N4BP2: variants seen among roughly 807,000 people sequenced by gnomAD.
The protein encoded by N4BP2 is NEDD4 binding protein 2.
A neutral mutation model predicts 152.8 loss-of-function variants in N4BP2; 91 were observed. The observed-to-expected ratio is 0.60, with a 90% CI of 0.50 to 0.71. N4BP2 has a LOEUF of 0.71. N4BP2 is among the 30% of genes least tolerant of loss of function. N4BP2 has a pLI of 0.00. For missense variants in N4BP2, 1,923 were observed against 2,059.1 expected (o/e 0.93, Z 1.28); for synonymous variants, 646 against 705.3 (o/e 0.92, Z 1.33).
intron 4 of N4BP2, among the ~76,000 whole-genome samples, chr4:40,103,844 A>C (rs1306005689): frequency 6.6e-6 from 1 of 152,194 alleles, no homozygotes; most frequent in African/African-American, 2.4e-5. Flanking sequence ...TGTTAGAGGC[A>C]GCTTTGTAAT....
At position 40,142,825 on chromosome 4, in the gene N4BP2, A is replaced by C; in HGVS notation, c.4938A>C (p.Ile1646=). Residue 1646 remains isoleucine, a synonymous_variant, in exon 15 of 18, where the codon ATA becomes ATC. Coordinates refer to ENST00000261435, the MANE Select transcript of N4BP2 (RefSeq NM_018177.6). ...GCAAGGCCAAAGAAGCTTATCGGATAGGGAAAAAAAATGTCGCCACCTTTT... is the reference window on the plus strand; with the variant it reads ...GCAAGGCCAAAGAAGCTTATCGGATCGGGAAAAAAAATGTCGCCACCTTTT... ...CYSKAKEAYR[I]GKKNVATFYA... is the part of the protein sequence containing the mutation. The C allele has an allele frequency of 6.2e-7, 1 of 1,613,866 alleles. No individual in the cohort carries two copies. Among genetic ancestry groups the C allele is most frequent in the Non-Finnish European group, 8.5e-7 (1 of 1,179,968 alleles).
downstream of N4BP2, among the ~76,000 whole-genome samples, chr4:40,160,580 A>G (rs1721832635): frequency 6.6e-6 from 1 of 152,214 alleles, no homozygotes; most frequent in African/African-American, 2.4e-5. Context: ...TGCATTTTCC[A>G]CTTAAAATAT....
intron 4 of N4BP2, among the ~76,000 whole-genome samples, chr4:40,106,344 A>T (rs2109970114): frequency 6.6e-6 from 1 of 151,532 alleles, no homozygotes; most frequent in East Asian, 1.9e-4. Flanking sequence ...TTCTTTTTTG[A>T]GAGAGGGTCT....
intron 2 of N4BP2, among the ~76,000 whole-genome samples, chr4:40,082,397 A>C (rs373405991): frequency 2.0e-5 from 3 of 152,264 alleles, no homozygotes; most frequent in African/African-American, 7.2e-5. Context: ...GGTTCAGCTT[A>C]ATAATAGAAA....
At chr4:40,150,178 AAG>A (rs1473031801) in intron 16 of N4BP2, among the ~76,000 whole-genome samples, 1 of 152,214 alleles carries the variant, frequency 6.6e-6, no homozygotes, top group African/African-American at 2.4e-5. Flanking sequence ...TTTTTTAAAA[AAG>A]AGAGACATCT....
downstream of N4BP2, among the ~76,000 whole-genome samples, chr4:40,159,008 G>A (rs1355292952): frequency 6.6e-6 from 1 of 151,964 alleles, no homozygotes; most frequent in Admixed American, 6.6e-5. Context: ...TTATACTATG[G>A]GATACTCTCG....
the N4BP2 span, among the ~76,000 whole-genome samples, chr4:40,163,677 G>A: frequency 6.6e-6 from 1 of 152,224 alleles, no homozygotes; most frequent in Non-Finnish European, 1.5e-5. Flanking sequence ...ATGTGCTAAG[G>A]ATGGTGAGTG....
the N4BP2 span, among the ~76,000 whole-genome samples, chr4:40,174,218 A>G: frequency 1.3e-5 from 2 of 151,966 alleles, no homozygotes; most frequent in Admixed American, 1.3e-4. Context: ...CTCTACAAAA[A>G]ATAAAAAAAT....
chr4:40,111,355 C>G (rs1186734964), intron 5 of N4BP2, among the ~76,000 whole-genome samples: 2 of 152,186 alleles, frequency 1.3e-5, no homozygotes, highest in African/African-American at 2.4e-5. Flanking sequence ...GAGTCTTACT[C>G]TGTCACCCAG....
chr4:40,071,026 T>C (rs1447997208), intron 1 of N4BP2, among the ~76,000 whole-genome samples: 1 of 152,054 alleles, frequency 6.6e-6, no homozygotes, highest in East Asian at 1.9e-4. Context: ...GGTTTCACCA[T>C]GTTGGCCAGG....
At chr4:40,062,834 A>G (rs1325363620) in intron 1 of N4BP2, among the ~76,000 whole-genome samples, 1 of 152,170 alleles carries the variant, frequency 6.6e-6, no homozygotes, top group Non-Finnish European at 1.5e-5. Flanking sequence ...TAGCTCTAGG[A>G]GAAAGCCCTC....
intron 2 of N4BP2, among the ~76,000 whole-genome samples, chr4:40,078,578 AC>A (rs1195929725): frequency 6.6e-6 from 1 of 150,422 alleles, no homozygotes; most frequent in Non-Finnish European, 1.5e-5. Flanking sequence ...AGGCTGGAGT[AC>A]AGTGGCATGC....
At chr4:40,102,009 A>T in intron 3 of N4BP2, 66 bp from the exon 4 acceptor site, 2 of 1,003,272 alleles carry the variant, frequency 2.0e-6, no homozygotes, top group Non-Finnish European at 2.8e-6. Context: ...GGATTTTAAT[A>T]AAATTATTAA....
chr4:40,112,160 A>T lies in N4BP2; in HGVS notation c.1575A>T (p.Pro525=), dbSNP rs779787449. 1.3e-6 allele frequency: 2 copies of T among 1,564,730 alleles called. No homozygotes were observed. Among genetic ancestry groups the T allele is most frequent in the Non-Finnish European group, 1.7e-6 (2 of 1,143,984 alleles). The part of the protein sequence containing the change: ...NTNLQAWEMK[P]YVALSQKHKY... ...ACCTACAGGCATGGGAAATGAAACC[A>T]TATGTTGCTTTGGTTAGTACCATAA... Residue 525 remains proline (P), a synonymous_variant, in exon 6 of 18, where the codon CCA becomes CCT. Transcript: ENST00000261435.
At chr4:40,179,736 C>T in the N4BP2 span, among the ~76,000 whole-genome samples, 1 of 145,798 alleles carries the variant, frequency 6.9e-6, no homozygotes, top group Non-Finnish European at 1.5e-5. Context: ...ATATTGTTTA[C>T]ATTTTAGAGT....
At chr4:40,145,647 A>AAT (rs1720445862) in intron 16 of N4BP2, among the ~76,000 whole-genome samples, 1 of 152,204 alleles carries the variant, frequency 6.6e-6, no homozygotes, top group Non-Finnish European at 1.5e-5. Context: ...AGTATATAGA[A>AAT]GTGTTATGAA....
chr4:40,123,965 G>A (rs1346791584), intron 10 of N4BP2, among the ~76,000 whole-genome samples, 195 bp from the exon 11 acceptor site: 2 of 151,852 alleles, frequency 1.3e-5, no homozygotes, highest in Non-Finnish European at 2.9e-5. Context: ...CATTCTAGAA[G>A]TGGAAAAAAT....
chr4:40,110,109 G>C (rs573871425), intron 5 of N4BP2, among the ~76,000 whole-genome samples: 1 of 152,240 alleles, frequency 6.6e-6, no homozygotes, highest in African/African-American at 2.4e-5. Flanking sequence ...CTTTCACTTA[G>C]TATAATGTTT....
Position 40,097,348 on chromosome 4 carries a change from G to A in N4BP2, c.8G>A (p.Arg3Lys), listed in dbSNP as rs1715190240. The change falls in exon 3 of 18, where the codon AGG becomes AAG. Residue 3 changes from arginine to lysine, a missense_variant. By Grantham distance (26) the Arg-to-Lys change is conservative (BLOSUM62 2). Coordinates refer to ENST00000261435, the MANE Select transcript of N4BP2 (RefSeq NM_018177.6). ...TTAGTTTTGGAAGTCAGAATGCCAA[G>A]GAGAAGGAAAAATCTTGGGGGAAAT... MPRRRKNLGGNPF... is the reference protein window; with the variant it reads MPKRRKNLGGNPF... The A allele has an allele frequency of 1.9e-6, 3 of 1,612,710 alleles. No homozygotes were observed. Among genetic ancestry groups the A allele is most frequent in the Non-Finnish European group, 2.5e-6 (3 of 1,178,900 alleles).
Sources: gnomAD v4.1 joint callset for allele counts (sites outside exome capture counted in the v4.1 genomes callset) on GRCh38, gnomAD v4.1.1 for gene constraint, MANE v1.5 for transcripts, NCBI Gene and HGNC (gene_info 2026-07-23, HGNC 2026-07-21) for gene names.